Variants in COMMD10 observed in about 807,000 individuals in gnomAD.
COMMD10 encodes the protein COMM domain containing 10.
COMMD10 carries 33 observed loss-of-function variants against 28.9 expected under a neutral mutation model. That is an observed-to-expected ratio of 1.14 (90% CI 0.87 to 1.53). The LOEUF is 1.53. COMMD10 is among the 40% of genes most tolerant of loss of function. COMMD10 has a pLI of 0.00. For synonymous variants in COMMD10, 110 were observed against 81.7 expected, an observed-to-expected ratio of 1.35 and a Z score of -1.87; for missense variants, 310 against 233.4, an observed-to-expected ratio of 1.33 and a Z score of -2.14.
chr5:116,260,719 C>T (rs2112685438), intron 5 of COMMD10, among the ~76,000 whole-genome samples: 1 of 151,878 alleles, frequency 6.6e-6, no homozygotes, highest in Admixed American at 6.6e-5. Context: ...TTTATAACTT[C>T]ATTTTAATTA....
At chr5:116,292,297 T>A (rs74427262) in intron 6 of COMMD10, among the ~76,000 whole-genome samples, 154 bp from the exon 7 acceptor site, 3,575 of 152,172 alleles carry the variant, frequency 0.023, 136 homozygotes, top group African/African-American at 0.081. Context: ...AGAAAAATAT[T>A]CTAAGTGGTA....
intron 4 of COMMD10, among the ~76,000 whole-genome samples, chr5:116,120,611 T>C (rs1336992414): frequency 6.6e-6 from 1 of 152,196 alleles, no homozygotes; most frequent in Non-Finnish European, 1.5e-5. Flanking sequence ...CAACCCCTGC[T>C]CTACATTCTG....
chr5:116,190,295 T>G (rs1056086830), intron 5 of COMMD10, among the ~76,000 whole-genome samples: 14 of 152,156 alleles, frequency 9.2e-5, no homozygotes, highest in African/African-American at 3.4e-4. Flanking sequence ...AGGAACTGTT[T>G]GAAAGTTAAA....
intron 4 of COMMD10, among the ~76,000 whole-genome samples, chr5:116,099,554 C>T (rs1241264701): frequency 6.6e-6 from 1 of 152,138 alleles, no homozygotes; most frequent in African/African-American, 2.4e-5. Flanking sequence ...AATTTACATT[C>T]CCACCAACAC....
rs1752139398 is a variant in COMMD10, at chr5:116,139,830, T to C, written c.510+5652T>C. Among the ~76,000 whole-genome samples the C allele has an allele frequency of 4.6e-5, 7 of 151,890 alleles. No homozygotes were observed. The South Asian group carries it at 1.5e-3, about 31-fold the overall frequency. ...ATATAAATATACATAGTAAAATGAT[T>C]GCTACTATTAAGAAAATTAACCCAC... On this transcript the variant is annotated intron_variant, in intron 5 of 6. Transcript: ENST00000274458.
intron 5 of COMMD10, among the ~76,000 whole-genome samples, chr5:116,268,572 A>G (rs1159837470): frequency 6.6e-6 from 1 of 151,890 alleles, no homozygotes; most frequent in Non-Finnish European, 1.5e-5. Flanking sequence ...AACTAGAAAT[A>G]CCATTTGACC....
At chr5:116,113,378 A>ATTT (rs1751123808) in intron 4 of COMMD10, among the ~76,000 whole-genome samples, 1 of 134,090 alleles carries the variant, frequency 7.5e-6, no homozygotes, top group African/African-American at 3.0e-5. Flanking sequence ...GAGTTTTTCA[A>ATTT]TCTATTATTT....
rs75133534 is a variant in COMMD10, at chr5:116,196,625, C to CT, written c.510+62457dup. Among the ~76,000 whole-genome samples the CT allele has an allele frequency of 2.4e-3, 350 of 147,238 alleles. 1 individual carries two copies. The highest frequency in any genetic ancestry group is 7.4e-3 in the African/African-American group (300 of 40,350). ...TTATGGAGTTAATGTTTTACTGGTGCTTTTTTTTTTAAAAAAAGAAAAATG... is the reference window on the plus strand; with the variant it reads ...TTATGGAGTTAATGTTTTACTGGTGCTTTTTTTTTTTAAAAAAAGAAAAATG... On this transcript the variant is annotated intron_variant, in intron 5 of 6. Transcript: ENST00000274458.
chr5:116,231,089 A>G (rs1171786283), intron 5 of COMMD10, among the ~76,000 whole-genome samples: 3 of 152,022 alleles, frequency 2.0e-5, no homozygotes, highest in African/African-American at 7.2e-5. Flanking sequence ...ATCACTCCAT[A>G]CTCTTAAGAT....
intron 5 of COMMD10, among the ~76,000 whole-genome samples, chr5:116,216,612 A>G (rs1164324363): frequency 1.3e-5 from 2 of 152,134 alleles, no homozygotes; most frequent in Non-Finnish European, 2.9e-5. Flanking sequence ...GCTCACTGCA[A>G]CCTGTGCCTC....
At chr5:116,170,059 G>T (rs1753269417) in intron 5 of COMMD10, among the ~76,000 whole-genome samples, 1 of 152,070 alleles carries the variant, frequency 6.6e-6, no homozygotes, top group South Asian at 2.1e-4. Context: ...GTCTCTTTTT[G>T]CAGATGACAT....
At chr5:116,277,561 C>G (rs927286631) in intron 5 of COMMD10, among the ~76,000 whole-genome samples, 1 of 151,838 alleles carries the variant, frequency 6.6e-6, no homozygotes, top group East Asian at 1.9e-4. Context: ...AGCATGTTTC[C>G]TATTATTATG....
At chr5:116,145,792 C>T (rs562726148) in intron 5 of COMMD10, among the ~76,000 whole-genome samples, 9 of 151,932 alleles carry the variant, frequency 5.9e-5, no homozygotes, top group African/African-American at 1.9e-4. Flanking sequence ...GGGGCTCTTA[C>T]CCCTTTGCTC....
At chr5:116,187,396 T>C (rs1394346004) in intron 5 of COMMD10, among the ~76,000 whole-genome samples, 1 of 152,128 alleles carries the variant, frequency 6.6e-6, no homozygotes, top group Non-Finnish European at 1.5e-5. Context: ...TATAATTGAA[T>C]GGTATACATA....
intron 4 of COMMD10, among the ~76,000 whole-genome samples, chr5:116,132,037 AT>A (rs1401704533): frequency 6.6e-6 from 1 of 151,968 alleles, no homozygotes; most frequent in Admixed American, 6.6e-5. Context: ...CTATTGGAGA[AT>A]TTTAAGAAGG....
intron 5 of COMMD10, among the ~76,000 whole-genome samples, chr5:116,179,548 A>G (rs192094487): frequency 2.1e-4 from 32 of 152,254 alleles, no homozygotes; most frequent in Admixed American, 8.5e-4. Flanking sequence ...CTGTTCCACA[A>G]TGGAAGGAAC....
chr5:116,108,372 C>T (rs1356236014), intron 4 of COMMD10, among the ~76,000 whole-genome samples: 3 of 152,178 alleles, frequency 2.0e-5, no homozygotes, highest in African/African-American at 7.2e-5. Flanking sequence ...GATGCCCTGC[C>T]CAGAGAGGAG....
At chr5:116,255,998 A>G (rs1045039099) in intron 5 of COMMD10, among the ~76,000 whole-genome samples, 1 of 151,790 alleles carries the variant, frequency 6.6e-6, no homozygotes, top group Non-Finnish European at 1.5e-5. Context: ...ATGGATATGC[A>G]TATTGAGCTA....
intron 5 of COMMD10, among the ~76,000 whole-genome samples, chr5:116,275,119 G>A (rs1430903803): frequency 1.3e-5 from 2 of 151,694 alleles, no homozygotes; most frequent in Non-Finnish European, 2.9e-5. Flanking sequence ...CTTGCCCAAG[G>A]CAGATACTTG....
Sources: allele counts gnomAD v4.1 joint callset (sites outside exome capture counted in the v4.1 genomes callset), GRCh38; gene constraint gnomAD v4.1.1; transcripts MANE v1.5; gene names NCBI Gene and HGNC (gene_info 2026-07-23, HGNC 2026-07-21).